SLC2A14: variants seen among roughly 807,000 people sequenced by gnomAD.
The protein encoded by SLC2A14 is solute carrier family 2 member 14, also known as solute carrier family 2, facilitated glucose transporter member 14.
A neutral mutation model predicts 43.0 loss-of-function variants in SLC2A14; 13 were observed. The ratio of observed to expected loss-of-function variants is 0.30; its 90% CI spans 0.20 to 0.48. SLC2A14 has a LOEUF of 0.48. SLC2A14 is among the 20% of genes least tolerant of loss of function. SLC2A14 has a pLI of 0.99. For synonymous variants in SLC2A14, 190 were observed against 233.8 expected (o/e 0.81, Z 1.71); for missense variants, 428 against 620.4 (o/e 0.69, Z 3.29).
intron 2 of SLC2A14, among the ~76,000 whole-genome samples, chr12:7,853,307 T>C (rs1867084617): frequency 1.3e-5 from 2 of 151,268 alleles, no homozygotes; most frequent in South Asian, 4.2e-4. Flanking sequence ...GGCATGGTGG[T>C]GCGCGCCTGT....
At chr12:7,838,323 C>T (rs1401150130) in intron 2 of SLC2A14, among the ~76,000 whole-genome samples, 11 of 145,868 alleles carry the variant, frequency 7.5e-5, no homozygotes, top group South Asian at 2.2e-4. Context: ...CCTGACCTTG[C>T]GATCCACCTG....
In SLC2A14 at chr12:7,872,900, G is replaced by C; in HGVS notation, c.-151C>G. On this transcript the variant is annotated 5_prime_UTR_variant, in exon 1 of 11. Transcript: ENST00000431042. ...GCCCCCGCCGGCCCCGCCTGCAGCC[G>C]TTGGGACCCACTAACTGCCTCGAAA... 2.0e-6 allele frequency: 2 copies of C among 985,624 alleles called. No homozygotes were observed. The highest frequency in any genetic ancestry group is 2.4e-6 in the Non-Finnish European group (2 of 830,110). 61.1% of individuals were successfully genotyped at this position (985,624 alleles called of 1,614,324 possible).
chr12:7,868,720 C>T (rs2121050710), intron 2 of SLC2A14, among the ~76,000 whole-genome samples: 1 of 152,256 alleles, frequency 6.6e-6, no homozygotes, highest in South Asian at 2.1e-4. Context: ...AAGAATATGT[C>T]TGGTCAGGCA....
Position 7,883,600 on chromosome 12 carries a change from T to C in SLC2A14, c.132+7396A>G, listed in dbSNP as rs1035936965. Among the ~76,000 whole-genome samples the C allele has an allele frequency of 1.1e-4, 15 of 137,878 alleles. 1 individual carries two copies. The highest frequency in any genetic ancestry group is 2.0e-4 in the Non-Finnish European group (13 of 63,640). The allele number at this position is 137,878 out of a possible 152,430, so 90.5% of individuals were successfully genotyped here. A position where few individuals can be genotyped will look rare whatever the true frequency, so the allele number is the denominator to read the frequency against. Reference sequence around the variant, plus strand: ...TTTTCTTTTTCTTTTCTTTTTTTTTTTTTTTTTTTTTTTGAGACGGGGTCT... The same window carrying C: ...TTTTCTTTTTCTTTTCTTTTTTTTTCTTTTTTTTTTTTTGAGACGGGGTCT... On this transcript the variant is annotated intron_variant, in intron 1 of 9. Coordinates refer to the SLC2A14 transcript ENST00000539924.
Position 7,816,120 on chromosome 12 carries a change from C to T in SLC2A14, c.1276-1586G>A, listed in dbSNP as rs182029105. Among the ~76,000 whole-genome samples, 15 of 46,688 alleles carry T rather than the reference C, an allele frequency of 3.2e-4. 4 individuals are homozygous for T. The highest frequency in any genetic ancestry group is 3.1e-3 in the South Asian group (4 of 1,310). The allele number at this position is 46,688 out of a possible 152,430, so 30.6% of individuals were successfully genotyped here. ...TTTATTTTTTTTATTTTTTTTGAGA[C>T]GGAGTCTCGCTCTGTCGCCCAGGCC... is the stretch of plus-strand genomic sequence containing the variant. On this transcript the variant is annotated intron_variant, in intron 10 of 10. Coordinates refer to ENST00000431042, the MANE Select transcript of SLC2A14 (RefSeq NM_001286234.2).
intron 6 of SLC2A14, among the ~76,000 whole-genome samples, chr12:7,827,992 C>T (rs770193225): frequency 1.3e-5 from 2 of 151,606 alleles, no homozygotes; most frequent in Middle Eastern, 3.2e-3. Flanking sequence ...ACAAATTAGT[C>T]GCTGCTTTGT....
rs1468735016 is a variant in SLC2A14, at chr12:7,883,326, G to A, written c.132+7670C>T. Among the ~76,000 whole-genome samples, 7 of 147,248 alleles carry A rather than the reference G, an allele frequency of 4.8e-5. No individual in the cohort carries two copies. The East Asian group carries it at 1.4e-3, about 30-fold the overall frequency. On this transcript the variant is annotated intron_variant, in intron 1 of 9. Coordinates refer to the SLC2A14 transcript ENST00000539924. ...TTTGTCTCCCAGGGTGGAGTGCAGG[G>A]GCGTGATCTTGGCTCACTGCAACTC...
At chr12:7,825,576 A>G (rs772502938) in intron 7 of SLC2A14, among the ~76,000 whole-genome samples, 2 of 151,970 alleles carry the variant, frequency 1.3e-5, no homozygotes, top group African/African-American at 4.8e-5. Flanking sequence ...ATCTTGGCTA[A>G]CACACAGAAA....
rs112149113 is a variant in SLC2A14, at chr12:7,880,475, CA to C, written c.132+10520del. ...AGGCAACAAAGCAAGACTCTTGTCT[CA>C]AAAAAAAAAAATACTGATTAATCAA... On this transcript the variant is annotated intron_variant, in intron 1 of 9. Coordinates refer to the SLC2A14 transcript ENST00000539924. 1.9e-4 allele frequency among the ~76,000 whole-genome samples: 27 copies of C among 145,660 alleles called. 1 individual carries two copies. The highest frequency in any genetic ancestry group is 1.8e-3 in the East Asian group (9 of 4,994).
chr12:7,817,747 T>TAGATAGATAG lies in SLC2A14; in HGVS notation c.1275+83_1275+84insCTATCTATCT, dbSNP rs60882988. 4.7e-5 allele frequency: 49 copies of TAGATAGATAG among 1,052,514 alleles called. 2 individuals are homozygous for TAGATAGATAG. In the African/African-American group the frequency reaches 5.3e-4, roughly 11 times the overall value. 65.2% of individuals were successfully genotyped at this position (1,052,514 alleles called of 1,614,324 possible). A position where few individuals can be genotyped will look rare whatever the true frequency, so the allele number is the denominator to read the frequency against. On this transcript the variant is annotated intron_variant, in intron 10 of 10. Transcript: ENST00000431042. ...CGAGACTCAGTCTCAAAAATATATATATATATAGATAGATAGATAGATAGA... is the reference window on the plus strand; with the variant it reads ...CGAGACTCAGTCTCAAAAATATATATAGATAGATAGATATATAGATAGATAGATAGATAGA...
rs769851607 is a variant in SLC2A14, at chr12:7,862,469, C to T, written c.18+7394G>A. Among the ~76,000 whole-genome samples, 48 of 152,184 alleles carry T rather than the reference C, an allele frequency of 3.2e-4. No homozygotes were observed. In the South Asian group the frequency reaches 9.1e-3, roughly 29 times the overall value. On this transcript the variant is annotated intron_variant, in intron 2 of 10. Transcript: ENST00000431042. ...AGCCCGCCATGCCTGAGCCTTCCCACCCCCTCTGTGGCCTCCTGTGCGGAC... is the reference window on the plus strand; with the variant it reads ...AGCCCGCCATGCCTGAGCCTTCCCATCCCCTCTGTGGCCTCCTGTGCGGAC...
intron 2 of SLC2A14, among the ~76,000 whole-genome samples, chr12:7,834,457 G>A (rs1416228309): frequency 6.6e-6 from 1 of 151,386 alleles, no homozygotes; most frequent in East Asian, 2.0e-4. Context: ...GGGAGGTCGA[G>A]GCAGAAGGAT....
At chr12:7,870,580 C>T (rs4617657) in intron 1 of SLC2A14, among the ~76,000 whole-genome samples, 81,258 of 151,688 alleles carry the variant, frequency 0.54, 21,893 homozygotes, top group South Asian at 0.69. Flanking sequence ...AGAATTAGGA[C>T]AGACTGTCCC....
At chr12:7,844,188 T>C (rs779835107) in intron 2 of SLC2A14, among the ~76,000 whole-genome samples, 3 of 152,302 alleles carry the variant, frequency 2.0e-5, no homozygotes, top group Admixed American at 6.5e-5. Context: ...TTGCTATTTT[T>C]ACTTCCGCCA....
chr12:7,840,916 C>A (rs1478131822), intron 2 of SLC2A14, among the ~76,000 whole-genome samples: 1 of 152,160 alleles, frequency 6.6e-6, no homozygotes, highest in East Asian at 1.9e-4. Context: ...AGACAGAGAC[C>A]TGAGGGTCAA....
intron 2 of SLC2A14, among the ~76,000 whole-genome samples, chr12:7,833,239 G>T (rs1865178990): frequency 6.6e-6 from 1 of 152,170 alleles, no homozygotes; most frequent in African/African-American, 2.4e-5. Context: ...CTGTACCCCA[G>T]ACTCCACGGA....
intron 7 of SLC2A14, among the ~76,000 whole-genome samples, chr12:7,826,821 CTT>C (rs1297036488): frequency 1.8e-5 from 1 of 54,668 alleles, no homozygotes; most frequent in Non-Finnish European, 3.7e-5. Context: ...GCTCTTTTTT[CTT>C]TCTTTCTTTC....
chr12:7,869,085 G>A (rs1331082128), intron 2 of SLC2A14, among the ~76,000 whole-genome samples: 2 of 151,674 alleles, frequency 1.3e-5, no homozygotes, highest in South Asian at 2.1e-4. Context: ...CGGAGGTTGC[G>A]GTGAGCCGAG....
chr12:7,850,354 C>A (rs1866823199), intron 2 of SLC2A14, among the ~76,000 whole-genome samples: 1 of 152,120 alleles, frequency 6.6e-6, no homozygotes. Flanking sequence ...AGTAGTTCTA[C>A]TTCAAGTGTA....
Sources: gnomAD v4.1 joint callset for allele counts (sites outside exome capture counted in the v4.1 genomes callset) on GRCh38, gnomAD v4.1.1 for gene constraint, MANE v1.5 for transcripts, NCBI Gene and HGNC (gene_info 2026-07-23, HGNC 2026-07-21) for gene names.